PRIM2: variants seen among roughly 807,000 people sequenced by gnomAD.
PRIM2 encodes DNA primase large subunit.
In PRIM2, 39 loss-of-function variants were observed where a neutral mutation model predicts 67.3. The observed-to-expected ratio is 0.58, with a 90% CI of 0.45 to 0.76. The LOEUF is 0.76. Ranked by LOEUF, PRIM2 falls within the 30% of genes least tolerant of loss-of-function variation. The pLI, the probability that PRIM2 is intolerant of heterozygous loss-of-function variation, is 0.00. For synonymous variants in PRIM2, 143 were observed against 198.7 expected (o/e 0.72, Z 2.36); for missense variants, 398 against 598.7 (o/e 0.66, Z 3.50).
the PRIM2 span, among the ~76,000 whole-genome samples, chr6:57,245,516 G>A: frequency 6.6e-6 from 1 of 152,166 alleles, no homozygotes; most frequent in Non-Finnish European, 1.5e-5. Context: ...TGCAACTCAT[G>A]TCCACCTTTC....
chr6:57,464,273 T>G (rs1280839456), intron 7 of PRIM2, among the ~76,000 whole-genome samples: 1 of 152,102 alleles, frequency 6.6e-6, no homozygotes, highest in African/African-American at 2.4e-5. Flanking sequence ...TTGTATTTCT[T>G]TTTTTCCTTT....
chr6:57,427,599 T>G (rs1771674340), intron 7 of PRIM2, among the ~76,000 whole-genome samples: 1 of 152,250 alleles, frequency 6.6e-6, no homozygotes, highest in Non-Finnish European at 1.5e-5. Context: ...ATTACAGGTG[T>G]GAGCCACCAT....
At chr6:57,307,454 C>T in the PRIM2 span, among the ~76,000 whole-genome samples, 9 of 151,844 alleles carry the variant, frequency 5.9e-5, no homozygotes, top group South Asian at 1.7e-3. Flanking sequence ...GGGGTTTCAC[C>T]GTGGTCTCGA....
intron 5 of PRIM2, among the ~76,000 whole-genome samples, chr6:57,374,022 A>G (rs1254165920): frequency 2.0e-5 from 3 of 152,200 alleles, no homozygotes; most frequent in Non-Finnish European, 4.4e-5. Flanking sequence ...CACTGAATCT[A>G]TAAATTGCAT....
the PRIM2 span, among the ~76,000 whole-genome samples, chr6:57,268,521 A>G: frequency 1.3e-5 from 2 of 152,154 alleles, no homozygotes; most frequent in African/African-American, 4.8e-5. Flanking sequence ...TACAATCAAT[A>G]TTTTTTAATT....
At position 57,536,143 on chromosome 6, in the gene PRIM2, G is replaced by A. The variant is rs1267161782; in HGVS notation, c.835-1297G>A. Among the ~76,000 whole-genome samples, 110 of 152,300 alleles carry A rather than the reference G, an allele frequency of 7.2e-4. 2 individuals carry two copies. The East Asian group carries it at 0.018, about 25-fold the overall frequency. ...GAAGTTGTTACTGTAAAAGAATGAA[G>A]AGAAACTAGATGGTCACTAGAGGGA... On this transcript the variant is annotated intron_variant, in intron 9 of 13. Coordinates refer to ENST00000615550, the MANE Select transcript of PRIM2 (RefSeq NM_000947.5).
chr6:57,236,068 G>A, the PRIM2 span, among the ~76,000 whole-genome samples: 2 of 152,214 alleles, frequency 1.3e-5, no homozygotes, highest in Admixed American at 1.3e-4. Context: ...AGAGCACTAC[G>A]TTTGTAGTAA....
At chr6:57,305,696 T>G in the PRIM2 span, among the ~76,000 whole-genome samples, 3 of 152,246 alleles carry the variant, frequency 2.0e-5, no homozygotes, top group African/African-American at 2.4e-5. Context: ...AATTCTTTCT[T>G]TTAAACACAA....
At chr6:57,474,202 T>A (rs1277142750) in intron 7 of PRIM2, among the ~76,000 whole-genome samples, 1 of 29,192 alleles carries the variant, frequency 3.4e-5, no homozygotes, top group Non-Finnish European at 5.6e-5. Context: ...TTTTTTTTTT[T>A]TGAGCTCTGT....
rs1777328358 is a variant in PRIM2, at chr6:57,646,029, A to G, written c.1401A>G (p.Gln467=). The G allele has an allele frequency of 1.2e-6, 2 of 1,603,950 alleles. No individual in the cohort carries two copies. Among genetic ancestry groups the G allele is most frequent in the Admixed American group, 3.3e-5 (2 of 59,994 alleles). ...AAGACATAAAGAAGGAACCTATCCA[A>G]CCAGAAACTCCTCAACCCAAACCAA... ...GGKDIKKEPI[Q]PETPQPKPSV... is the part of the protein sequence containing the mutation. The change falls in exon 14 of 14, where the codon CAA becomes CAG. Residue 467 remains glutamine (Q), a synonymous_variant. Transcript: ENST00000615550.
At chr6:57,548,075 A>T (rs1383130316) in intron 10 of PRIM2, among the ~76,000 whole-genome samples, 2 of 152,182 alleles carry the variant, frequency 1.3e-5, no homozygotes, top group African/African-American at 2.4e-5. Flanking sequence ...ATTCAGAACC[A>T]CTGTTTTAAC....
chr6:57,276,853 C>T, the PRIM2 span, among the ~76,000 whole-genome samples: 1 of 150,368 alleles, frequency 6.7e-6, no homozygotes, highest in South Asian at 2.1e-4. Flanking sequence ...TGCGCCACTG[C>T]ACTCCAGCCT....
intron 10 of PRIM2, among the ~76,000 whole-genome samples, chr6:57,595,772 C>T (rs1464350479): frequency 6.6e-6 from 1 of 152,108 alleles, no homozygotes; most frequent in Non-Finnish European, 1.5e-5. Flanking sequence ...TCTGGGTGTT[C>T]CACCCTCCTA....
chr6:57,612,569 T>C (rs1174624646), intron 12 of PRIM2, among the ~76,000 whole-genome samples: 8 of 152,270 alleles, frequency 5.3e-5, no homozygotes, highest in African/African-American at 1.9e-4. Flanking sequence ...AGAGGTGTTA[T>C]AAAGGACAAG....
intron 7 of PRIM2, among the ~76,000 whole-genome samples, chr6:57,438,475 T>C (rs150561435): frequency 5.7e-4 from 86 of 152,154 alleles, no homozygotes; most frequent in African/African-American, 2.0e-3. Flanking sequence ...CTTTGATGAA[T>C]GTGATTATAC....
chr6:57,530,625 G>T lies in PRIM2; in HGVS notation c.762-1786G>T, dbSNP rs1350845179. Among the ~76,000 whole-genome samples, 205 of 152,138 alleles carry T rather than the reference G, an allele frequency of 1.3e-3. 5 individuals are homozygous for T. The East Asian group carries it at 0.018, about 13-fold the overall frequency. ...CATCTTCTGGTTTCCCTCAGTATTA[G>T]TCTACTCATCCTGCTCTCAGAGTAA... On this transcript the variant is annotated intron_variant, in intron 8 of 13. Coordinates refer to ENST00000615550, the MANE Select transcript of PRIM2 (RefSeq NM_000947.5).
At chr6:57,429,369 A>C (rs1771744286) in intron 7 of PRIM2, among the ~76,000 whole-genome samples, 1 of 152,166 alleles carries the variant, frequency 6.6e-6, no homozygotes, top group Non-Finnish European at 1.5e-5. Context: ...AGGGTGGTAA[A>C]TTATTGAGAA....
At chr6:57,538,254 G>T (rs1775041107) in intron 10 of PRIM2, among the ~76,000 whole-genome samples, 1 of 152,026 alleles carries the variant, frequency 6.6e-6, no homozygotes, top group Admixed American at 6.5e-5. Flanking sequence ...AAACTCTTGG[G>T]CTCAAGCTGT....
Position 57,498,694 on chromosome 6 carries a change from A to AT in PRIM2, c.694-8686dup, listed in dbSNP as rs1229764555. 5.3e-5 allele frequency among the ~76,000 whole-genome samples: 8 copies of AT among 152,156 alleles called. No individual in the cohort carries two copies. In the South Asian group the frequency reaches 1.0e-3, roughly 20 times the overall value. On this transcript the variant is annotated intron_variant, in intron 7 of 13. Transcript: ENST00000615550. ...ATTGAGCAATATTTTCCAAGTGAGC[A>AT]TTTTTTTCCTGTCATTTTTATGTGT...
Sources: gnomAD v4.1 joint callset for allele counts (sites outside exome capture counted in the v4.1 genomes callset) on GRCh38, gnomAD v4.1.1 for gene constraint, MANE v1.5 for transcripts, NCBI Gene and HGNC (gene_info 2026-07-23, HGNC 2026-07-21) for gene names.